The following FBXL2 variants were observed in gnomAD, a reference collection of about 807,000 sequenced individuals.
FBXL2 encodes the protein F-box/LRR-repeat protein 2.
A neutral mutation model predicts 69.2 loss-of-function variants in FBXL2; 38 were observed. That is an observed-to-expected ratio of 0.55 (90% CI 0.42 to 0.72). The LOEUF (loss-of-function observed/expected upper bound fraction) is 0.72, where lower values mean the gene tolerates loss of function less well. FBXL2 is among the 30% of genes least tolerant of loss of function. The probability of loss-of-function intolerance (pLI) is 0.00; values close to 1 mark genes in which losing one functional copy is unlikely to be tolerated. For missense variants in FBXL2, 354 were observed against 520.3 expected (o/e 0.68, Z 3.11); for synonymous variants, 192 against 201.3 (o/e 0.95, Z 0.39).
chr3:33,411,394 G>A, the FBXL2 span, among the ~76,000 whole-genome samples: 6 of 152,190 alleles, frequency 3.9e-5, no homozygotes, highest in Admixed American at 3.9e-4. Context: ...ATCATAGAAT[G>A]TCTTCATATA....
At chr3:33,406,026 T>G (rs1013376789), downstream of FBXL2, among the ~76,000 whole-genome samples, 1 of 152,196 alleles carries the variant, frequency 6.6e-6, no homozygotes, top group Non-Finnish European at 1.5e-5. Flanking sequence ...GAAATCTAAT[T>G]TAGCTGGAGA....
intron 4 of FBXL2, among the ~76,000 whole-genome samples, chr3:33,359,615 C>G (rs940957844): frequency 1.4e-4 from 22 of 151,946 alleles, no homozygotes; most frequent in Non-Finnish European, 2.9e-4. Flanking sequence ...AAGCCACACA[C>G]CTGCATCATT....
intron 2 of FBXL2, among the ~76,000 whole-genome samples, chr3:33,322,489 T>C: frequency 6.6e-6 from 1 of 152,184 alleles, no homozygotes; most frequent in East Asian, 1.9e-4. Context: ...TGAGATATAC[T>C]AGAGGTTTAC....
chr3:33,345,685 AT>A (rs2040380469), intron 2 of FBXL2, among the ~76,000 whole-genome samples: 1 of 152,218 alleles, frequency 6.6e-6, no homozygotes, highest in African/African-American at 2.4e-5. Flanking sequence ...AAAGAATAGC[AT>A]ACAAAATGTT....
At chr3:33,277,828 G>A (rs1330358626) in intron 1 of FBXL2, among the ~76,000 whole-genome samples, 1 of 152,106 alleles carries the variant, frequency 6.6e-6, no homozygotes, top group Non-Finnish European at 1.5e-5. Flanking sequence ...AGAGAGCCTG[G>A]GAAGCCACCC....
the FBXL2 span, chr3:33,412,633 A>C: frequency 3.4e-6 from 3 of 872,032 alleles, no homozygotes; most frequent in Non-Finnish European, 5.6e-6. Context: ...CTTTCCCCAC[A>C]CAAGTAATTC....
chr3:33,306,833 G>A (rs2036762903), intron 2 of FBXL2, among the ~76,000 whole-genome samples: 1 of 152,060 alleles, frequency 6.6e-6, no homozygotes, highest in African/African-American at 2.4e-5. Flanking sequence ...AGATGCTAGT[G>A]TCGATGCTTA....
chr3:33,329,730 G>A (rs1054640544), intron 2 of FBXL2, among the ~76,000 whole-genome samples: 4 of 152,066 alleles, frequency 2.6e-5, no homozygotes, highest in Non-Finnish European at 4.4e-5. Flanking sequence ...GGTGGCTCAC[G>A]CTTGTAATCC....
At chr3:33,370,635 C>T (rs2042238811) in intron 5 of FBXL2, among the ~76,000 whole-genome samples, 1 of 151,950 alleles carries the variant, frequency 6.6e-6, no homozygotes, top group Admixed American at 6.6e-5. Flanking sequence ...CTCTTCCTCT[C>T]TCTGGAGTCT....
intron 2 of FBXL2, among the ~76,000 whole-genome samples, chr3:33,333,422 A>C (rs1354350711): frequency 6.6e-6 from 1 of 152,198 alleles, no homozygotes; most frequent in African/African-American, 2.4e-5. Flanking sequence ...ATTAACATAA[A>C]ATAGAACTTA....
At chr3:33,415,543 A>G in the FBXL2 span, among the ~76,000 whole-genome samples, 1 of 152,188 alleles carries the variant, frequency 6.6e-6, no homozygotes, top group Non-Finnish European at 1.5e-5. Flanking sequence ...ATATACCACC[A>G]TATGATGGAT....
At chr3:33,305,076 A>C (rs1282787173) in intron 2 of FBXL2, among the ~76,000 whole-genome samples, 1 of 151,864 alleles carries the variant, frequency 6.6e-6, no homozygotes, top group African/African-American at 2.4e-5. Flanking sequence ...CCCATCTTCT[A>C]ACTTGTTTTT....
intron 1 of FBXL2, among the ~76,000 whole-genome samples, chr3:33,292,212 TCTA>T (rs1025048713): frequency 6.6e-6 from 1 of 152,084 alleles, no homozygotes; most frequent in African/African-American, 2.4e-5. Flanking sequence ...AAACCCCATC[TCTA>T]CTAAAAATAC....
intron 13 of FBXL2, among the ~76,000 whole-genome samples, chr3:33,380,089 G>T (rs1031918301): frequency 2.0e-5 from 3 of 151,920 alleles, no homozygotes; most frequent in Admixed American, 6.6e-5. Flanking sequence ...GCTGGGCGTG[G>T]TGGCACACGC....
At chr3:33,344,907 C>G (rs2040324809) in intron 2 of FBXL2, among the ~76,000 whole-genome samples, 1 of 152,056 alleles carries the variant, frequency 6.6e-6, no homozygotes, top group Non-Finnish European at 1.5e-5. Context: ...AACACTGACA[C>G]CAGAAGAAAC....
chr3:33,392,432 C>T (rs2043805247), downstream of FBXL2: 2 of 764,218 alleles, frequency 2.6e-6, no homozygotes, highest in Non-Finnish European at 4.0e-6. Context: ...GAAATATTCT[C>T]ATTTATCAAA....
intron 5 of FBXL2, among the ~76,000 whole-genome samples, chr3:33,368,270 A>G (rs1002019821): frequency 3.3e-5 from 5 of 152,210 alleles, no homozygotes; most frequent in Non-Finnish European, 7.3e-5. Context: ...TCTGACTACT[A>G]ATTTATCAAC....
At chr3:33,412,141 C>A in the FBXL2 span, among the ~76,000 whole-genome samples, 4 of 145,168 alleles carry the variant, frequency 2.8e-5, no homozygotes, top group African/African-American at 1.0e-4. Context: ...GAGCCAAGAT[C>A]GCGCCACTGC....
chr3:33,286,335 G>A (rs1436665647), intron 1 of FBXL2, among the ~76,000 whole-genome samples: 3 of 152,166 alleles, frequency 2.0e-5, no homozygotes, highest in Non-Finnish European at 4.4e-5. Context: ...TATCACCAGC[G>A]GAGGCATCAG....
Sources: gnomAD v4.1 joint callset for allele counts (sites outside exome capture counted in the v4.1 genomes callset) on GRCh38, gnomAD v4.1.1 for gene constraint, MANE v1.5 for transcripts, NCBI Gene and HGNC (gene_info 2026-07-23, HGNC 2026-07-21) for gene names.